The following NEK11 variants were observed in gnomAD, a reference collection of about 807,000 sequenced individuals.
The protein encoded by NEK11 is serine/threonine-protein kinase Nek11.
A neutral mutation model predicts 80.7 loss-of-function variants in NEK11; 72 were observed. That is an observed-to-expected ratio of 0.89 (90% CI 0.74 to 1.08). The LOEUF (loss-of-function observed/expected upper bound fraction) is 1.08, where lower values mean the gene tolerates loss of function less well. Ranked by LOEUF, NEK11 falls within the 50% of genes least tolerant of loss-of-function variation. NEK11 has a pLI of 0.00. For synonymous variants in NEK11, 251 were observed against 260.7 expected (o/e 0.96, Z 0.36); for missense variants, 764 against 763.6 (o/e 1.00, Z -0.01).
At chr3:131,308,861 G>A (rs1031061676) in intron 17 of NEK11, among the ~76,000 whole-genome samples, 1 of 152,026 alleles carries the variant, frequency 6.6e-6, no homozygotes, top group Non-Finnish European at 1.5e-5. Context: ...GGTAGGGTGG[G>A]GGATGGTTTC....
intron 17 of NEK11, among the ~76,000 whole-genome samples, chr3:131,289,588 T>C (rs1185398841): frequency 3.3e-5 from 5 of 152,206 alleles, no homozygotes; most frequent in Admixed American, 2.6e-4. Context: ...TGACGGGATT[T>C]GGTTTGTAAC....
chr3:131,074,798 A>C (rs1389795502), intron 3 of NEK11, among the ~76,000 whole-genome samples: 1 of 152,166 alleles, frequency 6.6e-6, no homozygotes, highest in African/African-American at 2.4e-5. Context: ...GCTCAAAGAA[A>C]GGTTAGGAAT....
At chr3:131,274,852 A>G (rs1299644025) in intron 17 of NEK11, among the ~76,000 whole-genome samples, 1 of 150,332 alleles carries the variant, frequency 6.7e-6, no homozygotes. Context: ...ACGGGGTTTC[A>G]CCTTGTTAGC....
At chr3:131,051,515 A>G (rs1338846667) in intron 3 of NEK11, among the ~76,000 whole-genome samples, 1 of 152,210 alleles carries the variant, frequency 6.6e-6, no homozygotes, top group East Asian at 1.9e-4. Context: ...TTGGTTTACC[A>G]AATGGAATGA....
chr3:131,255,612 C>T (rs2095801835), intron 16 of NEK11, among the ~76,000 whole-genome samples: 1 of 152,138 alleles, frequency 6.6e-6, no homozygotes, highest in African/African-American at 2.4e-5. Context: ...AGTTGTTTCA[C>T]ACTTCTGAGC....
At chr3:131,315,618 A>T (rs2109545956) in intron 17 of NEK11, among the ~76,000 whole-genome samples, 1 of 151,730 alleles carries the variant, frequency 6.6e-6, no homozygotes, top group South Asian at 2.1e-4. Flanking sequence ...ACAGGTAAAC[A>T]TGTGCCATGG....
chr3:131,169,021 C>T (rs190100347), intron 13 of NEK11, 84 bp downstream of exon 13: 46 of 1,026,984 alleles, frequency 4.5e-5, no homozygotes, highest in Non-Finnish European at 6.0e-5. Context: ...AATGGGAAGC[C>T]GAACACTTTG....
At chr3:131,044,623 A>G (rs563793105) in intron 3 of NEK11, among the ~76,000 whole-genome samples, 1 of 152,174 alleles carries the variant, frequency 6.6e-6, no homozygotes, top group South Asian at 2.1e-4. Context: ...TTCATAAAGC[A>G]AGTTCTTAGA....
intron 17 of NEK11, among the ~76,000 whole-genome samples, chr3:131,331,960 G>C (rs960156421): frequency 1.3e-5 from 2 of 152,244 alleles, no homozygotes; most frequent in South Asian, 2.1e-4. Context: ...AAAGCAGCCG[G>C]GAAGCTTGAG....
intron 14 of NEK11, among the ~76,000 whole-genome samples, chr3:131,194,574 T>C (rs975924909): frequency 2.0e-5 from 3 of 152,084 alleles, no homozygotes; most frequent in Admixed American, 6.5e-5. Flanking sequence ...AGCCACACAA[T>C]ATGTACACTA....
intron 3 of NEK11, among the ~76,000 whole-genome samples, chr3:131,044,367 A>G (rs2067008664): frequency 6.6e-6 from 1 of 150,622 alleles, no homozygotes; most frequent in Non-Finnish European, 1.5e-5. Context: ...ACGTGCAAAG[A>G]CAAACATAGG....
intron 3 of NEK11, among the ~76,000 whole-genome samples, chr3:131,047,684 G>T (rs1249944856): frequency 6.6e-6 from 1 of 152,206 alleles, no homozygotes; most frequent in Non-Finnish European, 1.5e-5. Context: ...GGTGGCAGGG[G>T]AGTGAAGTGG....
intron 13 of NEK11, among the ~76,000 whole-genome samples, chr3:131,169,914 C>T (rs1279206849): frequency 1.3e-5 from 2 of 152,152 alleles, no homozygotes; most frequent in Admixed American, 1.3e-4. Context: ...TCTCAGTGAT[C>T]CTTTGAAATC....
chr3:131,255,088 G>GAAAA (rs1302209724), intron 16 of NEK11, among the ~76,000 whole-genome samples: 2 of 99,002 alleles, frequency 2.0e-5, no homozygotes, highest in Non-Finnish European at 4.7e-5. Context: ...AGGAAAGAAA[G>GAAAA]AAAGAAAGAA....
chr3:131,242,258 T>G (rs1011299793), intron 15 of NEK11, among the ~76,000 whole-genome samples: 2 of 152,144 alleles, frequency 1.3e-5, no homozygotes, highest in African/African-American at 2.4e-5. Context: ...GTTATTATAA[T>G]GGAGGGGTTT....
At chr3:131,316,029 T>G (rs2096835965) in intron 17 of NEK11, among the ~76,000 whole-genome samples, 1 of 152,146 alleles carries the variant, frequency 6.6e-6, no homozygotes, top group African/African-American at 2.4e-5. Flanking sequence ...TATATATGGA[T>G]ATACAAAGAA....
chr3:131,174,382 G>A (rs1244723597), intron 14 of NEK11, among the ~76,000 whole-genome samples: 1 of 152,048 alleles, frequency 6.6e-6, no homozygotes, highest in African/African-American at 2.4e-5. Context: ...AGCACCCAAA[G>A]GAAATTTGTA....
chr3:131,055,501 T>C (rs2069294147), intron 3 of NEK11, among the ~76,000 whole-genome samples: 1 of 152,114 alleles, frequency 6.6e-6, no homozygotes, highest in African/African-American at 2.4e-5. Context: ...TTTGGGAGGC[T>C]GATATGGGAG....
At chr3:131,206,419 A>G (rs1467107968) in intron 14 of NEK11, among the ~76,000 whole-genome samples, 1 of 152,254 alleles carries the variant, frequency 6.6e-6, no homozygotes, top group East Asian at 1.9e-4. Flanking sequence ...ACATTTAAAA[A>G]ATTTATGCAC....
Sources: gnomAD v4.1 joint callset for allele counts (sites outside exome capture counted in the v4.1 genomes callset) on GRCh38, gnomAD v4.1.1 for gene constraint, MANE v1.5 for transcripts, NCBI Gene and HGNC (gene_info 2026-07-23, HGNC 2026-07-21) for gene names.